Variants in YWHAE observed in about 807,000 individuals in gnomAD.
The protein encoded by YWHAE is tyrosine 3-monooxygenase/tryptophan 5-monooxygenase activation protein epsilon, also known as 14-3-3 protein epsilon.
YWHAE carries 4 observed loss-of-function variants against 30.1 expected under a neutral mutation model. The ratio of observed to expected loss-of-function variants is 0.13; its 90% CI spans 0.07 to 0.30. YWHAE has a LOEUF of 0.30. Among genes scored for constraint, YWHAE ranks in the 10% least tolerant of loss-of-function variants. The probability of loss-of-function intolerance (pLI) is 1.00; values close to 1 mark genes in which losing one functional copy is unlikely to be tolerated. For synonymous variants in YWHAE, 118 were observed against 111.8 expected (o/e 1.06, Z -0.35); for missense variants, 121 against 315.9 (o/e 0.38, Z 4.68).
At chr17:1,377,879 T>A (rs1394565481) in intron 1 of YWHAE, among the ~76,000 whole-genome samples, 2 of 152,030 alleles carry the variant, frequency 1.3e-5, no homozygotes, top group African/African-American at 2.4e-5. Flanking sequence ...TGAAACCCCG[T>A]CTCTACTAAA....
intron 2 of YWHAE, among the ~76,000 whole-genome samples, chr17:1,363,638 G>A (rs1211948921): frequency 6.6e-6 from 1 of 152,146 alleles, no homozygotes; most frequent in Admixed American, 6.6e-5. Context: ...TCATAGTTGG[G>A]ATAATACCTC....
chr17:1,373,715 T>C (rs1258016944), intron 1 of YWHAE, among the ~76,000 whole-genome samples: 1 of 151,494 alleles, frequency 6.6e-6, no homozygotes, highest in African/African-American at 2.4e-5. Context: ...TACCAAAATG[T>C]GAACAGAGAC....
intron 1 of YWHAE, among the ~76,000 whole-genome samples, chr17:1,387,594 T>G (rs988027846): frequency 6.6e-6 from 1 of 151,806 alleles, no homozygotes; most frequent in East Asian, 1.9e-4. Context: ...TTTTCTCAAG[T>G]GGTTGAGAGT....
chr17:1,354,135 C>T (rs1412325832), intron 5 of YWHAE, 76 bp downstream of exon 5: 1 of 1,535,224 alleles, frequency 6.5e-7, no homozygotes, highest in Non-Finnish European at 8.8e-7. Context: ...TAACGACAAG[C>T]CAAGGAATGT....
intron 4 of YWHAE, among the ~76,000 whole-genome samples, chr17:1,358,129 C>T (rs2072789688): frequency 6.6e-6 from 1 of 152,066 alleles, no homozygotes; most frequent in South Asian, 2.1e-4. Flanking sequence ...TGGCTCAGGC[C>T]TGTATTCTCA....
intron 5 of YWHAE, among the ~76,000 whole-genome samples, chr17:1,353,437 C>CAAAAA (rs554293231): frequency 1.9e-4 from 17 of 87,760 alleles, no homozygotes; most frequent in Middle Eastern, 5.6e-3. Context: ...GACTCCATCT[C>CAAAAA]AAAAAAAAAA....
chr17:1,354,749 G>A (rs914967635), intron 4 of YWHAE, among the ~76,000 whole-genome samples: 2 of 151,770 alleles, frequency 1.3e-5, no homozygotes, highest in South Asian at 2.1e-4. Flanking sequence ...TGCAAGCTTC[G>A]CCTCTCAGGT....
chr17:1,360,107 C>T (rs2072840013), intron 4 of YWHAE, among the ~76,000 whole-genome samples: 1 of 152,044 alleles, frequency 6.6e-6, no homozygotes, highest in Admixed American at 6.6e-5. Flanking sequence ...GGATTGCAGG[C>T]ATGCACCACC....
intron 5 of YWHAE, chr17:1,347,938 C>A: frequency 4.0e-6 from 4 of 1,007,666 alleles, no homozygotes; most frequent in Non-Finnish European, 4.8e-6. Context: ...AAGCGGAATT[C>A]ACTGTGCCAT....
At chr17:1,390,017 A>G (rs772680530) in intron 1 of YWHAE, among the ~76,000 whole-genome samples, 1 of 151,668 alleles carries the variant, frequency 6.6e-6, no homozygotes, top group Non-Finnish European at 1.5e-5. Flanking sequence ...CTAATTTTGT[A>G]TTTTTTAGTA....
intron 1 of YWHAE, among the ~76,000 whole-genome samples, chr17:1,383,930 G>T (rs886603083): frequency 2.1e-4 from 32 of 151,880 alleles, no homozygotes; most frequent in African/African-American, 6.0e-4. Flanking sequence ...AGAGGGCTGG[G>T]CACAGTGGCT....
At chr17:1,378,833 G>C (rs1314572760) in intron 1 of YWHAE, among the ~76,000 whole-genome samples, 4 of 152,098 alleles carry the variant, frequency 2.6e-5, no homozygotes, top group African/African-American at 4.8e-5. Flanking sequence ...TGTGATCCCA[G>C]CTACTCGGGA....
intron 4 of YWHAE, among the ~76,000 whole-genome samples, chr17:1,359,135 CAAA>C: frequency 6.8e-6 from 1 of 146,664 alleles, no homozygotes; most frequent in East Asian, 2.0e-4. Flanking sequence ...GGCTCTCCCT[CAAA>C]AAAAAGAAAA....
chr17:1,388,799 T>A (rs989723569), intron 1 of YWHAE, among the ~76,000 whole-genome samples: 1 of 152,198 alleles, frequency 6.6e-6, no homozygotes, highest in Non-Finnish European at 1.5e-5. Context: ...TACTCATGAA[T>A]GTGTTTCTAA....
At chr17:1,364,427 C>T (rs1365660356) in intron 2 of YWHAE, among the ~76,000 whole-genome samples, 1 of 152,078 alleles carries the variant, frequency 6.6e-6, no homozygotes, top group Non-Finnish European at 1.5e-5. Flanking sequence ...GGGGTTTCAC[C>T]ATGTTAGCCA....
chr17:1,357,248 C>A (rs1438374832), intron 4 of YWHAE, among the ~76,000 whole-genome samples: 10 of 151,508 alleles, frequency 6.6e-5, no homozygotes, highest in Admixed American at 1.3e-4. Context: ...CTAAAAATAC[C>A]AAAAATTAGC....
At chr17:1,346,362 C>G (rs1027854429) in intron 5 of YWHAE, among the ~76,000 whole-genome samples, 2 of 152,162 alleles carry the variant, frequency 1.3e-5, no homozygotes, top group Admixed American at 6.5e-5. Context: ...AAACCACTTA[C>G]AATTACTACA....
At chr17:1,356,215 C>CACACACACA (rs1320076580) in intron 4 of YWHAE, among the ~76,000 whole-genome samples, 83 of 135,638 alleles carry the variant, frequency 6.1e-4, no homozygotes, top group African/African-American at 2.2e-3. Context: ...CACACACACA[C>CACACACACA]AAAATTAGCC....
intron 1 of YWHAE, among the ~76,000 whole-genome samples, chr17:1,376,928 C>CTT (rs150653022): frequency 0.081 from 11,474 of 142,166 alleles, 761 homozygotes; most frequent in Admixed American, 0.22. Context: ...ATAACCCTAA[C>CTT]TTTTTTTTTT....
Sources: allele counts gnomAD v4.1 joint callset (sites outside exome capture counted in the v4.1 genomes callset), GRCh38; gene constraint gnomAD v4.1.1; transcripts MANE v1.5; gene names NCBI Gene and HGNC (gene_info 2026-07-23, HGNC 2026-07-21).